Variants in CSNK2A2IP observed in about 807,000 individuals in gnomAD.
CSNK2A2IP encodes casein kinase II subunit alpha'-interacting protein.
At chr3:88,447,545 T>C in the CSNK2A2IP span, among the ~76,000 whole-genome samples, 2 of 152,230 alleles carry the variant, frequency 1.3e-5, no homozygotes, top group Middle Eastern at 3.4e-3. Context: ...GGGAAAATTA[T>C]GGGCTATGGA....
At chr3:88,430,506 C>G in the CSNK2A2IP span, among the ~76,000 whole-genome samples, 1 of 151,894 alleles carries the variant, frequency 6.6e-6, no homozygotes, top group Non-Finnish European at 1.5e-5. Context: ...GCTGAAAAAT[C>G]TATTAGTCAT....
At chr3:88,427,921 G>C in the CSNK2A2IP span, among the ~76,000 whole-genome samples, 2 of 152,078 alleles carry the variant, frequency 1.3e-5, no homozygotes, top group Non-Finnish European at 2.9e-5. Context: ...TGTGAGAGGA[G>C]GGCCACCATC....
the CSNK2A2IP span, among the ~76,000 whole-genome samples, chr3:88,344,319 G>T: frequency 6.6e-6 from 1 of 151,742 alleles, no homozygotes; most frequent in African/African-American, 2.4e-5. Context: ...TTTTAGACTT[G>T]CAATGAAGGC....
chr3:88,440,425 G>A, the CSNK2A2IP span, among the ~76,000 whole-genome samples: 139 of 152,192 alleles, frequency 9.1e-4, no homozygotes, highest in East Asian at 0.021. Flanking sequence ...GAGGAGTTGT[G>A]TGGGAAAGGC....
chr3:88,394,257 A>G, the CSNK2A2IP span, among the ~76,000 whole-genome samples: 1 of 152,356 alleles, frequency 6.6e-6, no homozygotes. Flanking sequence ...ACCATATTCC[A>G]TTACTAAATA....
chr3:88,388,120 T>A, the CSNK2A2IP span, among the ~76,000 whole-genome samples: 11 of 152,252 alleles, frequency 7.2e-5, no homozygotes, highest in African/African-American at 2.7e-4. Context: ...GGCAGTTCTA[T>A]TATTTGACTT....
At chr3:88,445,915 T>G in the CSNK2A2IP span, among the ~76,000 whole-genome samples, 48 of 149,284 alleles carry the variant, frequency 3.2e-4, 1 homozygote, top group African/African-American at 1.1e-3. Flanking sequence ...TTCTTCTTTC[T>G]CTCTTTCTTT....
chr3:88,460,908 C>T, the CSNK2A2IP span, among the ~76,000 whole-genome samples: 28 of 151,932 alleles, frequency 1.8e-4, no homozygotes, highest in African/African-American at 6.8e-4. Flanking sequence ...ACCAACAGGG[C>T]GAAATCCCAT....
chr3:88,443,457 C>T, the CSNK2A2IP span, among the ~76,000 whole-genome samples: 1 of 152,022 alleles, frequency 6.6e-6, no homozygotes, highest in Non-Finnish European at 1.5e-5. Flanking sequence ...AAAGGTCAGG[C>T]AGATGAAGAG....
chr3:88,446,926 T>C, the CSNK2A2IP span, among the ~76,000 whole-genome samples: 2 of 152,322 alleles, frequency 1.3e-5, no homozygotes, highest in African/African-American at 4.8e-5. Flanking sequence ...TCTTGTAGAT[T>C]TCTCTATTAA....
chr3:88,362,943 G>A, the CSNK2A2IP span, among the ~76,000 whole-genome samples: 2 of 152,138 alleles, frequency 1.3e-5, no homozygotes, highest in African/African-American at 4.8e-5. Context: ...TGCGGCCACT[G>A]CAGCTAACGT....
the CSNK2A2IP span, among the ~76,000 whole-genome samples, chr3:88,381,312 C>T: frequency 6.6e-6 from 1 of 152,154 alleles, no homozygotes; most frequent in South Asian, 2.1e-4. Flanking sequence ...GATATTCCTC[C>T]TTGAAACTGC....
At chr3:88,451,637 C>T in the CSNK2A2IP span, among the ~76,000 whole-genome samples, 1 of 151,332 alleles carries the variant, frequency 6.6e-6, no homozygotes, top group African/African-American at 2.4e-5. Flanking sequence ...CTGTATTGTA[C>T]CTTTCATTGG....
At chr3:88,453,655 T>TG in the CSNK2A2IP span, among the ~76,000 whole-genome samples, 2 of 152,110 alleles carry the variant, frequency 1.3e-5, no homozygotes, top group East Asian at 3.8e-4. Flanking sequence ...TACCCTGTAC[T>TG]GTTCAGAAAG....
At chr3:88,406,032 G>T in the CSNK2A2IP span, among the ~76,000 whole-genome samples, 1 of 151,792 alleles carries the variant, frequency 6.6e-6, no homozygotes, top group African/African-American at 2.4e-5. Flanking sequence ...CTGGTTTTAA[G>T]ACTCTATAAT....
the CSNK2A2IP span, among the ~76,000 whole-genome samples, chr3:88,413,663 T>C: frequency 2.4e-4 from 37 of 152,036 alleles, no homozygotes; most frequent in African/African-American, 8.2e-4. Context: ...AGGCAATAGG[T>C]ATTGCAGAGC....
chr3:88,360,703 AC>A, the CSNK2A2IP span, among the ~76,000 whole-genome samples: 2 of 152,162 alleles, frequency 1.3e-5, no homozygotes, highest in African/African-American at 4.8e-5. Flanking sequence ...GCAAGAACTT[AC>A]TACTTCCATT....
the CSNK2A2IP span, among the ~76,000 whole-genome samples, chr3:88,464,353 G>A: frequency 2.9e-3 from 431 of 150,812 alleles, 2 homozygotes; most frequent in African/African-American, 9.7e-3. Context: ...TATAAAGAAA[G>A]AAAATCCTGA....
At chr3:88,339,477 C>T in the CSNK2A2IP span, among the ~76,000 whole-genome samples, 4 of 152,148 alleles carry the variant, frequency 2.6e-5, no homozygotes, top group South Asian at 8.3e-4. Context: ...CACAGCTTGG[C>T]TATTGTGAGT....
Sources: allele counts gnomAD v4.1 joint callset (sites outside exome capture counted in the v4.1 genomes callset), GRCh38; gene constraint gnomAD v4.1.1; transcripts MANE v1.5; gene names NCBI Gene and HGNC (gene_info 2026-07-23, HGNC 2026-07-21).